Variants in DPYSL5 observed in about 807,000 individuals in gnomAD.
The protein encoded by DPYSL5 is dihydropyrimidinase-related protein 5.
In DPYSL5, 9 loss-of-function variants were observed where a neutral mutation model predicts 58.4. The ratio of observed to expected loss-of-function variants is 0.15; its 90% CI spans 0.09 to 0.27. The LOEUF is 0.27. DPYSL5 is among the 10% of genes least tolerant of loss of function. The pLI, the probability that DPYSL5 is intolerant of heterozygous loss-of-function variation, is 1.00. For synonymous variants in DPYSL5, 293 were observed against 301.9 expected, an observed-to-expected ratio of 0.97 and a Z score of 0.31; for missense variants, 499 against 770.6, an observed-to-expected ratio of 0.65 and a Z score of 4.17.
intron 2 of DPYSL5, among the ~76,000 whole-genome samples, chr2:26,903,985 C>T (rs1354647915): frequency 2.6e-5 from 4 of 152,234 alleles, no homozygotes; most frequent in African/African-American, 9.6e-5. Context: ...GAGGCTATCT[C>T]GTCCCAGAGA....
chr2:26,895,446 CT>C (rs1441499751), intron 1 of DPYSL5, among the ~76,000 whole-genome samples: 1 of 151,908 alleles, frequency 6.6e-6, no homozygotes, highest in Non-Finnish European at 1.5e-5. Flanking sequence ...TGTGTTTTTT[CT>C]TTTTTTATAT....
rs947076730 is a variant in DPYSL5, at chr2:26,949,320, C to T, written c.*2325C>T. 1 of 152,326 alleles carries T rather than the reference C, an allele frequency of 6.6e-6. No individual in the cohort carries two copies. The highest frequency in any genetic ancestry group is 1.5e-5 in the Non-Finnish European group (1 of 68,130). 9.4% of individuals were successfully genotyped at this position (152,326 alleles called of 1,614,324 possible). A position where few individuals can be genotyped will look rare whatever the true frequency, so the allele number is the denominator to read the frequency against. ...CACACCCTCACTTCTCCCTTCACTCCCCCTTTCCTCACTCAGGGGCTGAGA... is the reference window on the plus strand; with the variant it reads ...CACACCCTCACTTCTCCCTTCACTCTCCCTTTCCTCACTCAGGGGCTGAGA... On this transcript the variant is annotated 3_prime_UTR_variant, in exon 13 of 13. Transcript: ENST00000288699.
intron 1 of DPYSL5, among the ~76,000 whole-genome samples, chr2:26,857,377 A>C (rs1373859556): frequency 6.6e-6 from 1 of 152,084 alleles, no homozygotes; most frequent in Non-Finnish European, 1.5e-5. Context: ...CGTCTCTACT[A>C]AAAAACACAA....
intron 1 of DPYSL5, chr2:26,848,667 C>G (rs1414005477): frequency 6.6e-6 from 1 of 152,666 alleles, no homozygotes; most frequent in Non-Finnish European, 1.5e-5. Context: ...CCAGTCCTGC[C>G]GGTCCCAGGA....
Position 26,941,994 on chromosome 2 carries a change from T to G in DPYSL5, c.1134T>G (p.Ser378Arg). 6.2e-7 allele frequency: 1 copy of G among 1,614,158 alleles called. No homozygotes were observed. The highest frequency in any genetic ancestry group is 8.5e-7 in the Non-Finnish European group (1 of 1,180,030). ...MDENRFVAVT[S>R]SNAAKLLNLY... ...AGAACCGTTTTGTGGCCGTTACCAG[T>G]TCCAACGCAGCTAAGCTTCTGAACC... Residue 378 changes from serine (S) to arginine (R), a missense_variant, in exon 10 of 13, where the codon AGT becomes AGG. By Grantham distance (110) the Ser-to-Arg change is moderately radical (BLOSUM62 -1). Around this residue, in one of 3 missense-constraint regions of DPYSL5, gnomAD observed 404 missense variants for 647.6 expected, o/e 0.62. Transcript: ENST00000288699.
At chr2:26,881,124 A>G (rs1240351338) in intron 1 of DPYSL5, among the ~76,000 whole-genome samples, 1 of 152,134 alleles carries the variant, frequency 6.6e-6, no homozygotes. Flanking sequence ...CCATAGTCGC[A>G]TGGCACAGCC....
chr2:26,881,268 T>C (rs1663554917), intron 1 of DPYSL5, among the ~76,000 whole-genome samples: 1 of 152,270 alleles, frequency 6.6e-6, no homozygotes, highest in South Asian at 2.1e-4. Context: ...CCAGATGCGA[T>C]CAGCCTAGTG....
chr2:26,880,871 A>G (rs1164830290), intron 1 of DPYSL5, among the ~76,000 whole-genome samples: 1 of 152,234 alleles, frequency 6.6e-6, no homozygotes, highest in African/African-American at 2.4e-5. Context: ...AGTCCCCTCT[A>G]TGTGCCAAAC....
In DPYSL5 at chr2:26,882,090, C is replaced by CAAA. The variant is rs752138649; in HGVS notation, c.-4-16386_-4-16384dup. On this transcript the variant is annotated intron_variant, in intron 1 of 12. Transcript: ENST00000288699. ...TGGGTGATAGAGCGAGACTCCATCT[C>CAAA]AAAAAAAAAAAAAAAAAAAAAAGAA... Among the ~76,000 whole-genome samples, 312 of 40,900 alleles carry CAAA rather than the reference C, an allele frequency of 7.6e-3. 4 individuals carry two copies. Among genetic ancestry groups the CAAA allele is most frequent in the African/African-American group, 0.022 (269 of 12,376 alleles). The allele number at this position is 40,900 out of a possible 152,430, so 26.8% of individuals were successfully genotyped here. A position where few individuals can be genotyped will look rare whatever the true frequency, so the allele number is the denominator to read the frequency against.
At chr2:26,902,169 A>AG (rs1303462062) in intron 2 of DPYSL5, among the ~76,000 whole-genome samples, 5 of 152,140 alleles carry the variant, frequency 3.3e-5, no homozygotes, top group Non-Finnish European at 5.9e-5. Context: ...GTGGGGTGGC[A>AG]GGGGGAGAGG....
At chr2:26,888,263 T>TTCTTTCTTTCTG (rs1553316449) in intron 1 of DPYSL5, among the ~76,000 whole-genome samples, 9 of 130,756 alleles carry the variant, frequency 6.9e-5, no homozygotes, top group Non-Finnish European at 1.4e-4. Flanking sequence ...CTTTCTTTCT[T>TTCTTTCTTTCTG]TCTGTCTTTC....
intron 12 of DPYSL5, among the ~76,000 whole-genome samples, chr2:26,945,470 C>T (rs1015455183): frequency 6.6e-6 from 1 of 151,964 alleles, no homozygotes; most frequent in Non-Finnish European, 1.5e-5. Context: ...GGGTGCGATC[C>T]CAGTTCTTAA....
intron 9 of DPYSL5, among the ~76,000 whole-genome samples, chr2:26,941,710 C>T (rs2148175940): frequency 6.6e-6 from 1 of 152,316 alleles, no homozygotes; most frequent in South Asian, 2.1e-4. Flanking sequence ...GGCAGGAAGC[C>T]TGAATGGAAC....
intron 1 of DPYSL5, among the ~76,000 whole-genome samples, chr2:26,895,488 T>A (rs1446010072): frequency 6.6e-6 from 1 of 152,182 alleles, no homozygotes; most frequent in Non-Finnish European, 1.5e-5. Context: ...ATTTGTTGTG[T>A]GCAACATGAT....
intron 1 of DPYSL5, among the ~76,000 whole-genome samples, chr2:26,861,156 C>G (rs1281738739): frequency 2.6e-5 from 4 of 152,166 alleles, no homozygotes. Flanking sequence ...GGCTTTCAGG[C>G]TTACTGAACA....
intron 1 of DPYSL5, among the ~76,000 whole-genome samples, chr2:26,871,277 C>G (rs867200551): frequency 3.9e-5 from 6 of 152,122 alleles, no homozygotes; most frequent in Non-Finnish European, 7.3e-5. Flanking sequence ...CTTACTTATC[C>G]CTTCCCATCA....
At chr2:26,895,349 A>G (rs1389523694) in intron 1 of DPYSL5, among the ~76,000 whole-genome samples, 1 of 152,226 alleles carries the variant, frequency 6.6e-6, no homozygotes, top group African/African-American at 2.4e-5. Context: ...CTTCCAATCC[A>G]TGAACATGGT....
Position 26,887,815 on chromosome 2 carries a change from G to T in DPYSL5, c.-4-10681G>T, listed in dbSNP as rs1246607026. Among the ~76,000 whole-genome samples, 4 of 152,144 alleles carry T rather than the reference G, an allele frequency of 2.6e-5. No homozygotes were observed. The East Asian group carries it at 7.7e-4, about 29-fold the overall frequency. On this transcript the variant is annotated intron_variant, in intron 1 of 12. Transcript: ENST00000288699. Reference sequence around the variant, plus strand: ...CCCCACCATCCCACTTCCACCCCAAGTTCTCTATCCCAGCTTGCACATCAC... The same window carrying T: ...CCCCACCATCCCACTTCCACCCCAATTTCTCTATCCCAGCTTGCACATCAC...
intron 1 of DPYSL5, among the ~76,000 whole-genome samples, chr2:26,858,639 G>A (rs1440298199): frequency 6.6e-6 from 1 of 151,236 alleles, no homozygotes; most frequent in Non-Finnish European, 1.5e-5. Context: ...GGCATGATTG[G>A]GGCAGCCTCG....
Sources: allele counts gnomAD v4.1 joint callset (sites outside exome capture counted in the v4.1 genomes callset), GRCh38; gene constraint gnomAD v4.1.1; regional missense constraint gnomAD v4.1.1; transcripts MANE v1.5; gene names NCBI Gene and HGNC (gene_info 2026-07-23, HGNC 2026-07-21).